Variants in INPP4B observed in about 807,000 individuals in gnomAD.
The protein encoded by INPP4B is inositol polyphosphate-4-phosphatase type II B.
Under a neutral mutation model 122.5 loss-of-function variants are expected in INPP4B, and 55 were observed. That is an observed-to-expected ratio of 0.45 (90% CI 0.36 to 0.56). The LOEUF (loss-of-function observed/expected upper bound fraction) is 0.56, where lower values mean the gene tolerates loss of function less well. Ranked by LOEUF, INPP4B falls within the 20% of genes least tolerant of loss-of-function variation. The probability of loss-of-function intolerance (pLI) is 0.00; values close to 1 mark genes in which losing one functional copy is unlikely to be tolerated. For missense variants in INPP4B, 1,000 were observed against 1,097.7 expected (o/e 0.91, Z 1.26); for synonymous variants, 403 against 388.7 (o/e 1.04, Z -0.43).
At chr4:142,449,353 C>T (rs1259826462) in intron 3 of INPP4B, among the ~76,000 whole-genome samples, 1 of 152,110 alleles carries the variant, frequency 6.6e-6, no homozygotes, top group African/African-American at 2.4e-5. Flanking sequence ...CTGTATTACC[C>T]AGAAGCTTAT....
intron 2 of INPP4B, among the ~76,000 whole-genome samples, chr4:142,558,548 T>C (rs1295510875): frequency 1.3e-5 from 2 of 151,806 alleles, no homozygotes; most frequent in African/African-American, 2.4e-5. Context: ...AATCCATAGG[T>C]ATTATTCAGG....
At chr4:142,366,847 G>GT (rs1787682381) in intron 7 of INPP4B, among the ~76,000 whole-genome samples, 1 of 152,162 alleles carries the variant, frequency 6.6e-6, no homozygotes, top group South Asian at 2.1e-4. Flanking sequence ...CCTATTTGCT[G>GT]TATCAGTCAG....
At chr4:142,300,358 G>A (rs1196385331) in intron 9 of INPP4B, among the ~76,000 whole-genome samples, 2 of 152,152 alleles carry the variant, frequency 1.3e-5, no homozygotes, top group African/African-American at 4.8e-5. Context: ...GGAAGACTAC[G>A]TTAAAAATAT....
intron 7 of INPP4B, among the ~76,000 whole-genome samples, chr4:142,321,850 T>C (rs1204937295): frequency 6.6e-6 from 1 of 152,198 alleles, no homozygotes; most frequent in Non-Finnish European, 1.5e-5. Flanking sequence ...CCTTATAGTA[T>C]AGTTTGAAGT....
intron 2 of INPP4B, among the ~76,000 whole-genome samples, chr4:142,558,197 C>T (rs1350436115): frequency 6.6e-6 from 1 of 152,176 alleles, no homozygotes; most frequent in East Asian, 1.9e-4. Context: ...AAGCTCTTTT[C>T]AAAACCTTGA....
intron 7 of INPP4B, among the ~76,000 whole-genome samples, chr4:142,318,616 T>C (rs1226851526): frequency 6.6e-6 from 1 of 152,194 alleles, no homozygotes; most frequent in African/African-American, 2.4e-5. Flanking sequence ...TACAGCTTCC[T>C]TTTGTCTAGA....
intron 1 of INPP4B, among the ~76,000 whole-genome samples, chr4:142,755,382 C>G (rs976825184): frequency 6.6e-6 from 1 of 152,036 alleles, no homozygotes; most frequent in African/African-American, 2.4e-5. Flanking sequence ...TTGTGCTTCA[C>G]TATCCAGCTC....
At chr4:142,740,043 C>T (rs560496806) in intron 1 of INPP4B, among the ~76,000 whole-genome samples, 3 of 151,988 alleles carry the variant, frequency 2.0e-5, no homozygotes, top group African/African-American at 7.2e-5. Flanking sequence ...ACATAGTATA[C>T]AAATTTAGGT....
chr4:142,394,724 T>C (rs1433363789), intron 7 of INPP4B, among the ~76,000 whole-genome samples: 1 of 152,224 alleles, frequency 6.6e-6, no homozygotes, highest in Admixed American at 6.5e-5. Context: ...TATCCCCTTA[T>C]CAGATGTATG....
chr4:142,029,046 A>G (rs1738046422), intron 25 of INPP4B, 132 bp from the exon 26 acceptor site: 2 of 1,423,164 alleles, frequency 1.4e-6, no homozygotes, highest in Non-Finnish European at 1.8e-6. Context: ...TTTTTTTTCC[A>G]CAAGTGATGA....
chr4:142,633,873 TA>T (rs1339911752), intron 2 of INPP4B, among the ~76,000 whole-genome samples: 2 of 151,874 alleles, frequency 1.3e-5, no homozygotes. Context: ...AGGTAGATAT[TA>T]AAAATTAGCT....
At chr4:142,445,062 C>T (rs892066199) in intron 3 of INPP4B, among the ~76,000 whole-genome samples, 1 of 152,024 alleles carries the variant, frequency 6.6e-6, no homozygotes, top group African/African-American at 2.4e-5. Flanking sequence ...ATAGCTAATG[C>T]ATATGGGGCT....
intron 3 of INPP4B, among the ~76,000 whole-genome samples, chr4:142,451,083 C>A (rs1275710440): frequency 6.6e-6 from 1 of 151,354 alleles, no homozygotes; most frequent in African/African-American, 2.4e-5. Context: ...TATTTATGAT[C>A]TTATTTATAG....
intron 25 of INPP4B, among the ~76,000 whole-genome samples, chr4:142,075,704 C>T (rs1770284096): frequency 6.6e-6 from 1 of 151,918 alleles, no homozygotes. Context: ...CTCAGCAGAA[C>T]ACTTCATGCC....
chr4:142,539,533 C>T (rs1828690900), intron 2 of INPP4B, among the ~76,000 whole-genome samples: 1 of 152,022 alleles, frequency 6.6e-6, no homozygotes, highest in Non-Finnish European at 1.5e-5. Flanking sequence ...TTGCCGCTCC[C>T]TTCCTTTTGC....
intron 1 of INPP4B, among the ~76,000 whole-genome samples, chr4:142,781,020 T>A (rs1036975002): frequency 3.3e-5 from 5 of 152,206 alleles, no homozygotes; most frequent in African/African-American, 1.2e-4. Flanking sequence ...ACTCACTGAA[T>A]TTGTGAGCTA....
At chr4:142,195,187 G>A (rs1837625049) in intron 14 of INPP4B, among the ~76,000 whole-genome samples, 1 of 152,170 alleles carries the variant, frequency 6.6e-6, no homozygotes. Context: ...AGTGAAATAA[G>A]CCAGTTCCAG....
At chr4:142,730,483 C>T (rs1765922439) in intron 1 of INPP4B, among the ~76,000 whole-genome samples, 2 of 152,068 alleles carry the variant, frequency 1.3e-5, no homozygotes, top group African/African-American at 4.8e-5. Flanking sequence ...TTGTTCTATC[C>T]CAGTTCCATT....
intron 1 of INPP4B, among the ~76,000 whole-genome samples, chr4:142,740,642 G>C (rs1269286063): frequency 1.3e-5 from 2 of 151,826 alleles, no homozygotes; most frequent in African/African-American, 4.8e-5. Context: ...TAAAAGATGA[G>C]CTGTTGGAGT....
Sources: gnomAD v4.1 joint callset for allele counts (sites outside exome capture counted in the v4.1 genomes callset) on GRCh38, gnomAD v4.1.1 for gene constraint, MANE v1.5 for transcripts, NCBI Gene and HGNC (gene_info 2026-07-23, HGNC 2026-07-21) for gene names.